Variants in ARL15 observed in about 807,000 individuals in gnomAD.
ARL15 encodes ARF like GTPase 15, also known as ADP-ribosylation factor-like protein 15.
A neutral mutation model predicts 25.2 loss-of-function variants in ARL15; 19 were observed. That is an observed-to-expected ratio of 0.75 (90% CI 0.53 to 1.10). The LOEUF (loss-of-function observed/expected upper bound fraction) is 1.10. Ranked by LOEUF, ARL15 falls within the 50% of genes least tolerant of loss-of-function variation. ARL15 has a pLI of 0.00. For missense variants in ARL15, 220 were observed against 246.0 expected, an observed-to-expected ratio of 0.89 and a Z score of 0.71; for synonymous variants, 94 against 86.8, an observed-to-expected ratio of 1.08 and a Z score of -0.46.
intron 3 of ARL15, among the ~76,000 whole-genome samples, chr5:54,133,757 C>T (rs1420286300): frequency 1.3e-5 from 2 of 152,020 alleles, no homozygotes; most frequent in Non-Finnish European, 2.9e-5. Flanking sequence ...AGGATTTCAA[C>T]CTAACAATTG....
intron 1 of ARL15, among the ~76,000 whole-genome samples, chr5:54,178,597 T>C (rs1754956145): frequency 6.6e-6 from 1 of 152,228 alleles, no homozygotes; most frequent in African/African-American, 2.4e-5. Context: ...GATATATTTC[T>C]TACATAGTTG....
At chr5:53,919,790 T>G (rs917436340) in intron 4 of ARL15, among the ~76,000 whole-genome samples, 5 of 152,202 alleles carry the variant, frequency 3.3e-5, no homozygotes, top group Non-Finnish European at 5.9e-5. Context: ...TCGTTTCTCA[T>G]AGCAACCAGT....
chr5:54,160,277 C>T (rs1193954025), intron 2 of ARL15, among the ~76,000 whole-genome samples: 1 of 152,188 alleles, frequency 6.6e-6, no homozygotes, highest in Non-Finnish European at 1.5e-5. Context: ...ACTTGTTTCT[C>T]TTGTTGGCTT....
At chr5:53,945,200 G>A (rs1040670366) in intron 4 of ARL15, among the ~76,000 whole-genome samples, 5 of 152,138 alleles carry the variant, frequency 3.3e-5, no homozygotes, top group African/African-American at 1.2e-4. Flanking sequence ...GGCCTTTCAT[G>A]TTCTGTACTT....
chr5:53,961,560 GTTGT>G (rs1561167054), intron 4 of ARL15, among the ~76,000 whole-genome samples: 1 of 146,020 alleles, frequency 6.8e-6, no homozygotes, highest in Non-Finnish European at 1.5e-5. Flanking sequence ...AAATTTACTA[GTTGT>G]TTGTGATGCA....
intron 4 of ARL15, among the ~76,000 whole-genome samples, chr5:53,890,300 A>C (rs1263442993): frequency 6.6e-6 from 1 of 152,156 alleles, no homozygotes; most frequent in Non-Finnish European, 1.5e-5. Context: ...CATATACTTA[A>C]CATCTGACGT....
At chr5:53,914,353 T>G (rs1745564276) in intron 4 of ARL15, among the ~76,000 whole-genome samples, 3 of 152,126 alleles carry the variant, frequency 2.0e-5, no homozygotes. Flanking sequence ...TACTTGAAAC[T>G]ATGCCTTAAA....
intron 4 of ARL15, among the ~76,000 whole-genome samples, chr5:53,896,670 G>C (rs1289372630): frequency 6.6e-6 from 1 of 151,972 alleles, no homozygotes; most frequent in East Asian, 1.9e-4. Context: ...CTAATTTTTT[G>C]TATTTTTAGT....
intron 4 of ARL15, among the ~76,000 whole-genome samples, chr5:54,032,355 T>C (rs1750020071): frequency 6.6e-6 from 1 of 151,990 alleles, no homozygotes; most frequent in Non-Finnish European, 1.5e-5. Flanking sequence ...TACCTTAACC[T>C]CCCGAGTAGC....
intron 4 of ARL15, among the ~76,000 whole-genome samples, chr5:54,091,983 C>T (rs1752141289): frequency 6.6e-6 from 1 of 151,940 alleles, no homozygotes; most frequent in African/African-American, 2.4e-5. Flanking sequence ...TGCATTTCCG[C>T]ACATTCCTCT....
intron 4 of ARL15, among the ~76,000 whole-genome samples, chr5:53,989,665 G>A (rs1232756088): frequency 6.6e-6 from 1 of 151,944 alleles, no homozygotes; most frequent in Admixed American, 6.6e-5. Context: ...AGTTCTGCGA[G>A]GTTTGATTCT....
intron 3 of ARL15, among the ~76,000 whole-genome samples, chr5:54,146,369 G>A (rs191231375): frequency 9.9e-4 from 150 of 152,116 alleles, no homozygotes; most frequent in Non-Finnish European, 1.3e-3. Context: ...AACTAGTTAC[G>A]TTATACTTAA....
chr5:54,052,777 C>T (rs748267617), intron 4 of ARL15, among the ~76,000 whole-genome samples: 2 of 152,012 alleles, frequency 1.3e-5, no homozygotes, highest in African/African-American at 2.4e-5. Context: ...ACACAGAGTT[C>T]GCTCTATCAG....
At chr5:54,122,295 C>A (rs1753104270) in intron 3 of ARL15, among the ~76,000 whole-genome samples, 1 of 152,206 alleles carries the variant, frequency 6.6e-6, no homozygotes, top group Non-Finnish European at 1.5e-5. Context: ...AACGCATGTT[C>A]TTTCAGTACA....
chr5:54,284,822 T>C (rs1758146288), intron 1 of ARL15, among the ~76,000 whole-genome samples: 1 of 152,232 alleles, frequency 6.6e-6, no homozygotes, highest in Non-Finnish European at 1.5e-5. Context: ...CCCCAGCTTG[T>C]AAATTCATTC....
At chr5:54,020,358 T>TC (rs540977597) in intron 4 of ARL15, among the ~76,000 whole-genome samples, 34 of 152,032 alleles carry the variant, frequency 2.2e-4, no homozygotes, top group African/African-American at 8.0e-4. Context: ...GCAGTAAGAA[T>TC]CCCCACCTCT....
intron 2 of ARL15, among the ~76,000 whole-genome samples, chr5:54,166,017 T>C (rs983068627): frequency 6.6e-6 from 1 of 152,234 alleles, no homozygotes; most frequent in African/African-American, 2.4e-5. Flanking sequence ...AAGTATTAAG[T>C]TCATCCCAAA....
At chr5:54,073,286 G>A (rs557842861) in intron 4 of ARL15, among the ~76,000 whole-genome samples, 1 of 152,284 alleles carries the variant, frequency 6.6e-6, no homozygotes, top group South Asian at 2.1e-4. Context: ...AAAATGTCAA[G>A]GGCTCAAAGT....
intron 1 of ARL15, among the ~76,000 whole-genome samples, chr5:54,200,713 A>G (rs1217444507): frequency 2.6e-5 from 4 of 152,184 alleles, no homozygotes; most frequent in African/African-American, 7.2e-5. Flanking sequence ...GAGAAAATAC[A>G]GGGAATATCT....
Sources: allele counts gnomAD v4.1 joint callset (sites outside exome capture counted in the v4.1 genomes callset), GRCh38; gene constraint gnomAD v4.1.1; transcripts MANE v1.5; gene names NCBI Gene and HGNC (gene_info 2026-07-23, HGNC 2026-07-21).